The following COL6A6 variants were observed in gnomAD, a reference collection of about 807,000 sequenced individuals.
COL6A6 encodes collagen alpha-6(VI) chain.
In COL6A6, 183 loss-of-function variants were observed where a neutral mutation model predicts 208.6. That is an observed-to-expected ratio of 0.88 (90% CI 0.78 to 0.99). The LOEUF is 0.99. Ranked by LOEUF, COL6A6 falls within the 50% of genes least tolerant of loss-of-function variation. The probability of loss-of-function intolerance (pLI) is 0.00; values close to 1 mark genes in which losing one functional copy is unlikely to be tolerated. For missense variants in COL6A6, 2,816 were observed against 2,815.2 expected (o/e 1.00, Z -0.01); for synonymous variants, 973 against 1,011.8 (o/e 0.96, Z 0.73).
At chr3:130,560,219 A>G in intron 1 of COL6A6, 115 bp from the exon 2 acceptor site, 1 of 574,970 alleles carries the variant, frequency 1.7e-6, no homozygotes, top group Non-Finnish European at 3.0e-6. Context: ...GAACCTCAGA[A>G]ATTCCTTGTC....
chr3:130,624,816 C>T (rs17747860), intron 24 of COL6A6, among the ~76,000 whole-genome samples: 7,864 of 152,178 alleles, frequency 0.052, 228 homozygotes, highest in South Asian at 0.056. Flanking sequence ...CCAGGGTGGA[C>T]TGGGCACTCT....
At position 130,603,022 on chromosome 3, in the gene COL6A6, G is replaced by A. The variant is rs543031471; in HGVS notation, c.4653+3212G>A. ...AGTGCACTTAGGTTCCACTAAGCGG[G>A]TAAGTGATTGGAGGATGGCCAGTGG... On this transcript the variant is annotated intron_variant, in intron 20 of 36. Transcript: ENST00000358511. Among the ~76,000 whole-genome samples the A allele has an allele frequency of 1.4e-4, 21 of 152,332 alleles. No individual in the cohort carries two copies. In the South Asian group the frequency reaches 4.1e-3, roughly 30 times the overall value.
intron 17 of COL6A6, 44 bp from the exon 18 acceptor site, chr3:130,594,237 A>T: frequency 7.1e-7 from 1 of 1,405,108 alleles, no homozygotes; most frequent in Non-Finnish European, 1.0e-6. Flanking sequence ...TAATTTTATT[A>T]AAACTTCTTG....
At chr3:130,621,365 T>A (rs2064710172) in intron 23 of COL6A6, among the ~76,000 whole-genome samples, 1 of 152,244 alleles carries the variant, frequency 6.6e-6, no homozygotes, top group Admixed American at 6.5e-5. Context: ...ACTGTTTTAG[T>A]AAAGTTTCTT....
chr3:130,642,950 G>C, intron 30 of COL6A6, 37 bp from the exon 31 acceptor site: 1 of 1,613,652 alleles, frequency 6.2e-7, no homozygotes. Flanking sequence ...CTAGCAGTTT[G>C]TTGTTTAATT....
intron 1 of COL6A6, among the ~76,000 whole-genome samples, chr3:130,541,804 A>T (rs2062369690): frequency 6.6e-6 from 1 of 152,200 alleles, no homozygotes; most frequent in African/African-American, 2.4e-5. Context: ...CATGGGTTGG[A>T]TATTTTCTGT....
At chr3:130,600,127 C>T (rs77248095) in intron 20 of COL6A6, among the ~76,000 whole-genome samples, 6,105 of 152,214 alleles carry the variant, frequency 0.04, 365 homozygotes, top group African/African-American at 0.13. Context: ...CCTGTGATAG[C>T]GTTTTAAATC....
chr3:130,624,921 T>A (rs80174854), intron 24 of COL6A6, among the ~76,000 whole-genome samples: 2,308 of 152,276 alleles, frequency 0.015, 21 homozygotes, highest in Middle Eastern at 0.034. Context: ...TGGCAGTTAA[T>A]CCTGGGCTTA....
chr3:130,551,325 T>G (rs1252589071), intron 1 of COL6A6, among the ~76,000 whole-genome samples: 1 of 152,220 alleles, frequency 6.6e-6, no homozygotes, highest in Non-Finnish European at 1.5e-5. Flanking sequence ...GGTAGGCTTA[T>G]TATTGATTCA....
intron 23 of COL6A6, among the ~76,000 whole-genome samples, chr3:130,615,671 G>C (rs1003917455): frequency 6.6e-6 from 1 of 152,114 alleles, no homozygotes; most frequent in Non-Finnish European, 1.5e-5. Context: ...TCATATCCTT[G>C]AATCAATAAA....
At chr3:130,597,783 T>C (rs1271391339) in intron 18 of COL6A6, among the ~76,000 whole-genome samples, 1 of 152,186 alleles carries the variant, frequency 6.6e-6, no homozygotes, top group African/African-American at 2.4e-5. Flanking sequence ...TCAGGATTTT[T>C]TGGAAACTGG....
At chr3:130,664,307 T>C (rs980286734) in intron 35 of COL6A6, among the ~76,000 whole-genome samples, 7 of 152,190 alleles carry the variant, frequency 4.6e-5, no homozygotes, top group African/African-American at 1.7e-4. Flanking sequence ...CAGTCTTACT[T>C]AGAACAGCAG....
intron 1 of COL6A6, among the ~76,000 whole-genome samples, chr3:130,556,257 A>G (rs74879142): frequency 0.012 from 1,839 of 152,184 alleles, 34 homozygotes; most frequent in African/African-American, 0.04. Context: ...CTTGTTTAGG[A>G]TTTTTTAATA....
At chr3:130,594,551 G>C (rs1324970685) in intron 18 of COL6A6, 1 of 413,008 alleles carries the variant, frequency 2.4e-6, no homozygotes, top group East Asian at 3.7e-5. Flanking sequence ...CATGTCTTTT[G>C]CAAATGCAAT....
At chr3:130,616,257 A>G (rs1576336659) in intron 23 of COL6A6, among the ~76,000 whole-genome samples, 1 of 152,276 alleles carries the variant, frequency 6.6e-6, no homozygotes, top group Middle Eastern at 3.4e-3. Flanking sequence ...AGCCACTGGA[A>G]TAGAATAACA....
At chr3:130,658,557 C>T in intron 33 of COL6A6, 119 bp from the exon 34 acceptor site, 1 of 675,562 alleles carries the variant, frequency 1.5e-6, no homozygotes, top group Admixed American at 2.3e-5. Flanking sequence ...CTGTGCCTCC[C>T]CCGTACCTTC....
At chr3:130,634,234 T>TAAAAAAA (rs2065035952) in intron 26 of COL6A6, among the ~76,000 whole-genome samples, 2 of 12,632 alleles carry the variant, frequency 1.6e-4, no homozygotes, top group Non-Finnish European at 2.3e-4. Flanking sequence ...AATAAATAAA[T>TAAAAAAA]AAATAAATAA....
intron 11 of COL6A6, among the ~76,000 whole-genome samples, chr3:130,587,059 T>G (rs1240777009): frequency 6.6e-6 from 1 of 152,164 alleles, no homozygotes; most frequent in African/African-American, 2.4e-5. Flanking sequence ...CTTTCCGTAC[T>G]GAGTGTAATT....
rs1261497753 is a variant in COL6A6, at chr3:130,670,886, T to C, written c.6597-4316T>C. On this transcript the variant is annotated intron_variant, in intron 36 of 36. Coordinates refer to ENST00000358511, the MANE Select transcript of COL6A6 (RefSeq NM_001102608.3). ...TTTGGTGTGATTTTTTGTTTCAAGC[T>C]CATCAGCTATCGTTAGCGTTGGTAT... Among the ~76,000 whole-genome samples, 3 of 152,206 alleles carry C rather than the reference T, an allele frequency of 2.0e-5. No individual in the cohort carries two copies. The East Asian group carries it at 5.8e-4, about 29-fold the overall frequency.
Sources: gnomAD v4.1 joint callset for allele counts (sites outside exome capture counted in the v4.1 genomes callset) on GRCh38, gnomAD v4.1.1 for gene constraint, MANE v1.5 for transcripts, NCBI Gene and HGNC (gene_info 2026-07-23, HGNC 2026-07-21) for gene names.